The following PALD1 variants were observed in gnomAD, a reference collection of about 807,000 sequenced individuals.
PALD1 encodes paladin.
PALD1 carries 57 observed loss-of-function variants against 96.0 expected under a neutral mutation model. The observed-to-expected ratio is 0.59, with a 90% CI of 0.48 to 0.74. The LOEUF is 0.74. Among genes scored for constraint, PALD1 ranks in the 30% least tolerant of loss-of-function variants. The pLI, the probability that PALD1 is intolerant of heterozygous loss-of-function variation, is 0.00. For missense variants in PALD1, 1,063 were observed against 1,143.7 expected, an observed-to-expected ratio of 0.93 and a Z score of 1.02; for synonymous variants, 464 against 473.6, an observed-to-expected ratio of 0.98 and a Z score of 0.26.
intron 1 of PALD1, among the ~76,000 whole-genome samples, chr10:70,504,187 A>G (rs1002256599): frequency 1.3e-5 from 2 of 152,250 alleles, no homozygotes; most frequent in African/African-American, 2.4e-5. Context: ...GCTTGTATAC[A>G]TATATCAATA....
chr10:70,547,526 C>T, intron 18 of PALD1, 80 bp downstream of exon 18: 1 of 1,054,198 alleles, frequency 9.5e-7, no homozygotes, highest in South Asian at 1.6e-5. Flanking sequence ...GCTGATGTGG[C>T]TTTGGGGTTG....
Position 70,541,490 on chromosome 10 carries a change from C to G in PALD1, c.2077C>G (p.Leu693Val). 6.2e-7 allele frequency: 1 copy of G among 1,613,966 alleles called. No individual in the cohort carries two copies. The highest frequency in any genetic ancestry group is 8.5e-7 in the Non-Finnish European group (1 of 1,179,932). Reference sequence around the variant, plus strand: ...CTTCCCCGAGGTGGGTGAGGAGGAGCTCGTGAGTGTGCCTGATGCCAAGTT... The same window carrying G: ...CTTCCCCGAGGTGGGTGAGGAGGAGGTCGTGAGTGTGCCTGATGCCAAGTT... ...QGFPEVGEEE[L>V]VSVPDAKFTK... The change falls in exon 17 of 20, where the codon CTC (leucine) becomes GTC (valine). Residue 693 changes from leucine to valine, a missense_variant. Coordinates refer to ENST00000263563, the MANE Select transcript of PALD1 (RefSeq NM_014431.3).
At chr10:70,470,132 C>A in the PALD1 span, among the ~76,000 whole-genome samples, 78 of 152,116 alleles carry the variant, frequency 5.1e-4, no homozygotes, top group Non-Finnish European at 9.8e-4. Flanking sequence ...TTATGTCCAT[C>A]GTATTCTGAT....
intron 10 of PALD1, among the ~76,000 whole-genome samples, chr10:70,537,204 C>T (rs945127): frequency 0.9 from 136,238 of 151,960 alleles, 61,658 homozygotes; most frequent in East Asian, 1. Flanking sequence ...ACTTCCCAGG[C>T]TCAAGCGATT....
At chr10:70,503,064 G>T (rs1391177101) in intron 1 of PALD1, among the ~76,000 whole-genome samples, 1 of 151,866 alleles carries the variant, frequency 6.6e-6, no homozygotes, top group African/African-American at 2.4e-5. Flanking sequence ...ATTTTTAGTA[G>T]AGATGGGGTT....
chr10:70,472,530 GGATT>G, the PALD1 span, among the ~76,000 whole-genome samples: 1 of 152,158 alleles, frequency 6.6e-6, no homozygotes, highest in Non-Finnish European at 1.5e-5. Flanking sequence ...CAAAGTGCTG[GGATT>G]ACAGGTGTGA....
chr10:70,528,654 C>T (rs10999376), intron 2 of PALD1, among the ~76,000 whole-genome samples: 23,833 of 152,204 alleles, frequency 0.16, 2,281 homozygotes, highest in Admixed American at 0.22. Context: ...AGGGTACAGG[C>T]TAGGCCGCTG....
chr10:70,524,228 T>TG lies in PALD1; in HGVS notation c.-29-1690dup, dbSNP rs570095825. On this transcript the variant is annotated intron_variant, in intron 1 of 19. Coordinates refer to ENST00000263563, the MANE Select transcript of PALD1 (RefSeq NM_014431.3). ...TGGTGCTTCTGCAGAGTCGAGGGGTTGGGGGCTGGCAGGGCAGCTTGCCCC... is the reference window on the plus strand; with the variant it reads ...TGGTGCTTCTGCAGAGTCGAGGGGTTGGGGGGCTGGCAGGGCAGCTTGCCCC... Among the ~76,000 whole-genome samples, 308 of 152,264 alleles carry TG rather than the reference T, an allele frequency of 2.0e-3. 1 individual carries two copies. Among genetic ancestry groups the TG allele is most frequent in the Middle Eastern group, 3.4e-3 (1 of 294 alleles).
chr10:70,562,293 CTGGA>C (rs1335435715), intron 18 of PALD1, among the ~76,000 whole-genome samples: 1 of 152,236 alleles, frequency 6.6e-6, no homozygotes, highest in Non-Finnish European at 1.5e-5. Flanking sequence ...AGAGCTCCTT[CTGGA>C]TGGATGGGTG....
At chr10:70,464,119 T>A in the PALD1 span, among the ~76,000 whole-genome samples, 1 of 152,104 alleles carries the variant, frequency 6.6e-6, no homozygotes, top group Non-Finnish European at 1.5e-5. Flanking sequence ...GGGCTGCTCT[T>A]CTGGCCTTGA....
chr10:70,496,522 G>A (rs759584068), intron 1 of PALD1, among the ~76,000 whole-genome samples: 3 of 152,168 alleles, frequency 2.0e-5, no homozygotes, highest in Non-Finnish European at 2.9e-5. Context: ...AACACAGTAT[G>A]AGCTGTTTTT....
chr10:70,522,510 C>T (rs1206062987), intron 1 of PALD1, among the ~76,000 whole-genome samples: 2 of 152,194 alleles, frequency 1.3e-5, no homozygotes, highest in Admixed American at 6.5e-5. Context: ...TCGTAAGCGA[C>T]ATTTCCAGAT....
At chr10:70,547,898 G>A (rs1242438549) in intron 18 of PALD1, among the ~76,000 whole-genome samples, 1 of 152,170 alleles carries the variant, frequency 6.6e-6, no homozygotes, top group African/African-American at 2.4e-5. Context: ...CTAGCACGGA[G>A]GCTGTCATCT....
Position 70,540,246 on chromosome 10 carries a change from T to C in PALD1, c.1908+484T>C, listed in dbSNP as rs1435241087. Reference sequence around the variant, plus strand: ...GGTGTCCGTGGTGTGTGTGTCTCAGTTGGGGGACTGTGTATGGAGTGTGTG... The same window carrying C: ...GGTGTCCGTGGTGTGTGTGTCTCAGCTGGGGGACTGTGTATGGAGTGTGTG... On this transcript the variant is annotated intron_variant, in intron 15 of 19. Transcript: ENST00000263563. This position sits in a 1 kb window ranked among gnomAD's most constrained non-coding sequence, Gnocchi z 4.2. Among the ~76,000 whole-genome samples, 1 of 151,102 alleles carries C rather than the reference T, an allele frequency of 6.6e-6. No individual in the cohort carries two copies. The highest frequency in any genetic ancestry group is 1.5e-5 in the Non-Finnish European group (1 of 67,752).
chr10:70,479,246 T>C (rs1845886705), intron 1 of PALD1, among the ~76,000 whole-genome samples, 187 bp downstream of exon 1: 1 of 152,068 alleles, frequency 6.6e-6, no homozygotes, highest in South Asian at 2.1e-4. Context: ...CAGGGAGCAG[T>C]TGCTGGGTGG....
In PALD1 at chr10:70,540,931, C is replaced by T. The variant is rs866795687; in HGVS notation, c.1909-171C>T. Reference sequence around the variant, plus strand: ...GACTGCACAGGTGCAGCTGTTTACACGCACATGGTCTCATGCACCCCGGTG... The same window carrying T: ...GACTGCACAGGTGCAGCTGTTTACATGCACATGGTCTCATGCACCCCGGTG... On this transcript the variant is annotated intron_variant, in intron 15 of 19. Transcript: ENST00000263563. The surrounding 1 kb of genome is among the most constrained non-coding windows in gnomAD (Gnocchi z 4.2). Among the ~76,000 whole-genome samples the T allele has an allele frequency of 3.3e-5, 5 of 152,204 alleles. No homozygotes were observed. Among genetic ancestry groups the T allele is most frequent in the African/African-American group, 1.2e-4 (5 of 41,442 alleles).
intron 1 of PALD1, among the ~76,000 whole-genome samples, chr10:70,502,096 C>A (rs1046305537): frequency 1.3e-5 from 2 of 152,034 alleles, no homozygotes; most frequent in Non-Finnish European, 2.9e-5. Flanking sequence ...GCCAGGAGTT[C>A]GAGACCAACC....
At chr10:70,476,336 C>A (rs1845822032), upstream of PALD1, among the ~76,000 whole-genome samples, 1 of 152,232 alleles carries the variant, frequency 6.6e-6, no homozygotes, top group Non-Finnish European at 1.5e-5. Context: ...CCCAGGGCTG[C>A]TCTGTGGCCT....
intron 18 of PALD1, among the ~76,000 whole-genome samples, chr10:70,556,283 T>C (rs12776772): frequency 1.8e-3 from 93 of 50,654 alleles, no homozygotes; most frequent in South Asian, 6.6e-3. Context: ...CCGAGACCTC[T>C]CTCTCTCTCT....
Sources: gnomAD v4.1 joint callset for allele counts (sites outside exome capture counted in the v4.1 genomes callset) on GRCh38, gnomAD v4.1.1 for gene constraint, Gnocchi (gnomAD v3.1) non-coding constraint, MANE v1.5 for transcripts, NCBI Gene and HGNC (gene_info 2026-07-23, HGNC 2026-07-21) for gene names.